The following SPAG9 variants were observed in gnomAD, a reference collection of about 807,000 sequenced individuals.
SPAG9 encodes sperm associated antigen 9.
In SPAG9, 35 loss-of-function variants were observed where a neutral mutation model predicts 166.5. The observed-to-expected ratio is 0.21, with a 90% CI of 0.16 to 0.28. SPAG9 has a LOEUF of 0.28. Among genes scored for constraint, SPAG9 ranks in the 10% least tolerant of loss-of-function variants. SPAG9 has a pLI of 1.00. For missense variants in SPAG9, 1,235 were observed against 1,603.3 expected (o/e 0.77, Z 3.92); for synonymous variants, 534 against 565.5 (o/e 0.94, Z 0.79).
chr17:51,120,666 C>A lies in SPAG9; in HGVS notation c.-10G>T. 2 of 1,567,954 alleles carry A rather than the reference C, an allele frequency of 1.3e-6. No individual in the cohort carries two copies. Among genetic ancestry groups the A allele is most frequent in the Non-Finnish European group, 1.7e-6 (2 of 1,158,138 alleles). On this transcript the variant is annotated 5_prime_UTR_variant, in exon 1 of 30. Coordinates refer to ENST00000262013, the MANE Select transcript of SPAG9 (RefSeq NM_001130528.3). The surrounding 1 kb of genome is among the most constrained non-coding windows in gnomAD (Gnocchi z 4.7). The stretch of plus-strand genomic sequence containing the variant: ...CGTCCTCCAGCTCCATGGTGGCAAG[C>A]GGACGGGCGGGCGGCCCGGGGCGTC...
At chr17:51,101,663 G>C (rs2048812093) in intron 1 of SPAG9, among the ~76,000 whole-genome samples, 1 of 151,364 alleles carries the variant, frequency 6.6e-6, no homozygotes, top group African/African-American at 2.4e-5. Context: ...CACTATTGTT[G>C]CCCAGGCTGG....
chr17:50,967,242 T>C (rs1269209821), intron 29 of SPAG9, among the ~76,000 whole-genome samples: 2 of 152,198 alleles, frequency 1.3e-5, no homozygotes, highest in Admixed American at 1.3e-4. Flanking sequence ...AAAAGTTGTC[T>C]AGTGGGATGG....
At chr17:51,098,282 G>C (rs1341643317) in intron 1 of SPAG9, among the ~76,000 whole-genome samples, 1 of 152,012 alleles carries the variant, frequency 6.6e-6, no homozygotes, top group Non-Finnish European at 1.5e-5. Flanking sequence ...AATACAGCGG[G>C]CTGATTGTTT....
intron 1 of SPAG9, among the ~76,000 whole-genome samples, chr17:51,092,370 G>A (rs1186882922): frequency 6.6e-6 from 1 of 151,990 alleles, no homozygotes; most frequent in Non-Finnish European, 1.5e-5. Flanking sequence ...AGAGGAACTT[G>A]AGACATATTG....
intron 1 of SPAG9, among the ~76,000 whole-genome samples, chr17:51,083,201 T>C (rs768311028): frequency 2.0e-5 from 3 of 152,004 alleles, no homozygotes; most frequent in Non-Finnish European, 4.4e-5. Flanking sequence ...ATTCCTTTTT[T>C]ACATAAGCTT....
At chr17:50,970,143 T>A (rs1005518929) in intron 29 of SPAG9, among the ~76,000 whole-genome samples, 4 of 152,224 alleles carry the variant, frequency 2.6e-5, no homozygotes, top group Middle Eastern at 3.2e-3. Context: ...CTAAATCCTA[T>A]GCTTTTCACA....
intron 2 of SPAG9, among the ~76,000 whole-genome samples, chr17:51,077,065 G>T (rs76180309): frequency 0.078 from 8,887 of 114,144 alleles, 820 homozygotes; most frequent in African/African-American, 0.24. Flanking sequence ...TAGCTATCTA[G>T]CTAGCTATCT....
chr17:51,047,290 C>T, intron 4 of SPAG9, 85 bp downstream of exon 4: 1 of 787,918 alleles, frequency 1.3e-6, no homozygotes, highest in Non-Finnish European at 2.0e-6. Context: ...AACTATTGTT[C>T]CAGGATTAAA....
intron 26 of SPAG9, among the ~76,000 whole-genome samples, chr17:50,979,223 A>G (rs944775208): frequency 2.0e-5 from 3 of 151,520 alleles, no homozygotes; most frequent in African/African-American, 7.3e-5. Context: ...GAAAAAAAAA[A>G]AAAAGTAGCC....
At chr17:51,039,814 G>A (rs1368140977) in intron 5 of SPAG9, among the ~76,000 whole-genome samples, 1 of 152,066 alleles carries the variant, frequency 6.6e-6, no homozygotes, top group Non-Finnish European at 1.5e-5. Context: ...TGTACTAAAA[G>A]TATCCCTCCT....
rs369132745 is a variant in SPAG9, at chr17:50,986,225, AGT to A, written c.2940-449_2940-448del. Among the ~76,000 whole-genome samples, 816 of 152,328 alleles carry A rather than the reference AGT, an allele frequency of 5.4e-3. 5 individuals are homozygous for A. Among genetic ancestry groups the A allele is most frequent in the African/African-American group, 0.018 (768 of 41,588 alleles). On this transcript the variant is annotated intron_variant, in intron 22 of 29. Transcript: ENST00000262013. ...TAAGAATACTTTTTACATTTTTAAA[AGT>A]GTGTGTGGGGGGGAAATCAAGGGTA...
rs180994508 is a variant in SPAG9, at chr17:50,980,730, G to A, written c.3238-813C>T. ...ATACAAAAATTAGCTGGGAATAGTG[G>A]TGCATGCCTGTATTCCTAGCTACTT... On this transcript the variant is annotated intron_variant, in intron 25 of 29. Coordinates refer to ENST00000262013, the MANE Select transcript of SPAG9 (RefSeq NM_001130528.3). 9.1e-4 allele frequency among the ~76,000 whole-genome samples: 138 copies of A among 152,192 alleles called. 1 individual carries two copies. The highest frequency in any genetic ancestry group is 3.6e-3 in the Admixed American group (55 of 15,286).
chr17:50,983,830 A>G (rs1974829711), intron 24 of SPAG9, among the ~76,000 whole-genome samples: 1 of 152,208 alleles, frequency 6.6e-6, no homozygotes, highest in South Asian at 2.1e-4. Context: ...TACTGTAAAG[A>G]TTAAACATAG....
intron 5 of SPAG9, among the ~76,000 whole-genome samples, chr17:51,040,006 G>A (rs867056044): frequency 1.3e-5 from 2 of 152,090 alleles, no homozygotes; most frequent in Non-Finnish European, 2.9e-5. Context: ...AGGCTGAGGC[G>A]GGTGGATCAC....
In SPAG9 at chr17:50,996,586, A is replaced by G. The variant is rs767057509; in HGVS notation, c.1947T>C (p.Ser649=). Residue 649 remains serine (S), a synonymous_variant, in exon 16 of 30, where the codon AGT becomes AGC. Coordinates refer to ENST00000262013, the MANE Select transcript of SPAG9 (RefSeq NM_001130528.3). ...TTACCTGTTTGTACTTCTGAGGCAG[A>G]CTCCAGCCAAAAGCCTGCACTCTAC... is the stretch of plus-strand genomic sequence containing the variant. The part of the protein sequence containing the change: ...EDGRVQAFGW[S]LPQKYKQVTN... The G allele has an allele frequency of 6.8e-6, 11 of 1,613,922 alleles. No homozygotes were observed. Among genetic ancestry groups the G allele is most frequent in the Non-Finnish European group, 9.3e-6 (11 of 1,179,976 alleles).
intron 21 of SPAG9, 39 bp downstream of exon 21, chr17:50,989,638 C>T: frequency 6.5e-7 from 1 of 1,547,662 alleles, no homozygotes; most frequent in Middle Eastern, 1.7e-4. Flanking sequence ...TATTTGTGCA[C>T]TTCACCCAGT....
chr17:51,020,868 A>G (rs2045912344), intron 7 of SPAG9, among the ~76,000 whole-genome samples: 1 of 152,248 alleles, frequency 6.6e-6, no homozygotes, highest in African/African-American at 2.4e-5. Context: ...TCTCTAGATT[A>G]CTTATAATAC....
chr17:51,096,510 T>C (rs753222093), intron 1 of SPAG9, among the ~76,000 whole-genome samples: 8 of 152,274 alleles, frequency 5.3e-5, no homozygotes, highest in Non-Finnish European at 8.8e-5. Flanking sequence ...CTGCACTCCT[T>C]TGACAAGCAA....
rs1326255558 is a variant in SPAG9 at position 51,095,958 on chromosome 17, G to GATATATATATATAGTGAT, written c.304-16272_304-16255dup. On this transcript the variant is annotated intron_variant, in intron 1 of 29. Transcript: ENST00000262013. ...ATAGTGATATAGTTATATATATAGT[G>GATATATATATATAGTGAT]ATATATATATATAGTGATATATATA... Among the ~76,000 whole-genome samples the GATATATATATATAGTGAT allele has an allele frequency of 9.1e-5, 9 of 99,250 alleles. No individual in the cohort carries two copies. The East Asian group carries it at 2.0e-3, about 23-fold the overall frequency. The allele number at this position is 99,250 out of a possible 152,430, so 65.1% of individuals were successfully genotyped here. A position where few individuals can be genotyped will look rare whatever the true frequency, so the allele number is the denominator to read the frequency against.
Sources: gnomAD v4.1 joint callset for allele counts (sites outside exome capture counted in the v4.1 genomes callset) on GRCh38, gnomAD v4.1.1 for gene constraint, Gnocchi (gnomAD v3.1) non-coding constraint, MANE v1.5 for transcripts, NCBI Gene and HGNC (gene_info 2026-07-23, HGNC 2026-07-21) for gene names.